CHUK: variants seen among roughly 807,000 people sequenced by gnomAD.
The protein encoded by CHUK is component of inhibitor of nuclear factor kappa B kinase complex, also known as inhibitor of nuclear factor kappa-B kinase subunit alpha.
In CHUK, 35 loss-of-function variants were observed where a neutral mutation model predicts 104.8. The observed-to-expected ratio is 0.33, with a 90% CI of 0.26 to 0.44. The LOEUF is 0.44. Ranked by LOEUF, CHUK falls within the 20% of genes least tolerant of loss-of-function variation. The pLI, the probability that CHUK is intolerant of heterozygous loss-of-function variation, is 1.00. For missense variants in CHUK, 663 were observed against 902.7 expected, an observed-to-expected ratio of 0.73 and a Z score of 3.40; for synonymous variants, 276 against 291.9, an observed-to-expected ratio of 0.95 and a Z score of 0.56.
intron 17 of CHUK, 139 bp downstream of exon 17, chr10:100,194,286 A>G (rs982422992): frequency 3.8e-6 from 4 of 1,048,028 alleles, no homozygotes; most frequent in Non-Finnish European, 5.8e-6. Flanking sequence ...AAATGCAGAT[A>G]GCTATGGCCA....
chr10:100,220,497 G>T lies in CHUK; in HGVS notation c.474+91C>A. 3.4e-6 allele frequency: 3 copies of T among 874,444 alleles called. No individual in the cohort carries two copies. The South Asian group carries it at 4.0e-5, about 12-fold the overall frequency. 54.2% of individuals were successfully genotyped at this position (874,444 alleles called of 1,614,324 possible). A position where few individuals can be genotyped will look rare whatever the true frequency, so the allele number is the denominator to read the frequency against. ...AATGGAAAAAGTAAGACTGTTATGG[G>T]CATACAGCAAAGACACCAAAGCTCA... is the stretch of plus-strand genomic sequence containing the variant. On this transcript the variant is annotated intron_variant, in intron 5 of 20. Coordinates refer to ENST00000370397, the MANE Select transcript of CHUK (RefSeq NM_001278.5).
intron 4 of CHUK, among the ~76,000 whole-genome samples, chr10:100,221,174 C>T (rs1845978226): frequency 6.6e-6 from 1 of 152,084 alleles, no homozygotes; most frequent in Non-Finnish European, 1.5e-5. Context: ...CGGTGGCTCA[C>T]GCTTGTAATC....
At chr10:100,228,401 C>T (rs1436091994) in intron 1 of CHUK, among the ~76,000 whole-genome samples, 1 of 152,222 alleles carries the variant, frequency 6.6e-6, no homozygotes, top group Non-Finnish European at 1.5e-5. Flanking sequence ...CGCCTATAAT[C>T]TCTGCACTTT....
In CHUK at chr10:100,218,994, C is replaced by T. The variant is rs1845925048; in HGVS notation, c.689+14G>A. ...TTCCCATTAAGCATGCCCAAGTTCTCATCCATTTCTTACCAGGTAAATGGC... is the reference window on the plus strand; with the variant it reads ...TTCCCATTAAGCATGCCCAAGTTCTTATCCATTTCTTACCAGGTAAATGGC... On this transcript the variant is annotated intron_variant, in intron 7 of 20. Transcript: ENST00000370397. 2 of 1,613,968 alleles carry T rather than the reference C, an allele frequency of 1.2e-6. No homozygotes were observed. The highest frequency in any genetic ancestry group is 2.2e-5 in the East Asian group (1 of 44,872).
intron 4 of CHUK, among the ~76,000 whole-genome samples, 183 bp downstream of exon 4, chr10:100,221,929 C>T (rs370967241): frequency 1.3e-5 from 2 of 152,276 alleles, no homozygotes. Context: ...AGCCACCGCA[C>T]CTAGCCAAAA....
intron 15 of CHUK, 29 bp downstream of exon 15, chr10:100,200,642 C>G (rs1052146623): frequency 8.7e-6 from 9 of 1,031,160 alleles, no homozygotes; most frequent in Admixed American, 6.8e-5. Flanking sequence ...TTACAGATGT[C>G]AAGACCAACA....
intron 19 of CHUK, among the ~76,000 whole-genome samples, chr10:100,191,238 A>C (rs1471696973): frequency 6.6e-6 from 1 of 152,204 alleles, no homozygotes; most frequent in Non-Finnish European, 1.5e-5. Flanking sequence ...TGTAAGATGC[A>C]CTTATGTACA....
intron 19 of CHUK, among the ~76,000 whole-genome samples, chr10:100,192,089 G>T (rs1283128822): frequency 6.6e-6 from 1 of 152,226 alleles, no homozygotes; most frequent in Non-Finnish European, 1.5e-5. Context: ...CTGCACTCCA[G>T]CCTGGGCGAC....
chr10:100,200,165 T>C (rs1420523652), intron 15 of CHUK, 145 bp from the exon 16 acceptor site: 1 of 752,288 alleles, frequency 1.3e-6, no homozygotes, highest in Non-Finnish European at 2.4e-6. Flanking sequence ...GAGCATTGTA[T>C]TGAGTAATAA....
In CHUK at chr10:100,207,255, ACTT is replaced by A; in HGVS notation, c.1203_1205del (p.Arg401del). The A allele has an allele frequency of 3.2e-6, 5 of 1,549,082 alleles. No individual in the cohort carries two copies. Among genetic ancestry groups the A allele is most frequent in the Admixed American group, 1.7e-5 (1 of 59,954 alleles). On this transcript the variant is annotated inframe_deletion, in exon 11 of 21. Coordinates refer to ENST00000370397, the MANE Select transcript of CHUK (RefSeq NM_001278.5). ...CAATATAATTTACACAATCAGATAA[ACTT>A]CTGGAAGCAAATGGCCCTTCATATA...
rs1845119535 is a variant in CHUK, at chr10:100,188,351, A to G, written c.*1247T>C. 1 of 152,634 alleles carries G rather than the reference A, an allele frequency of 6.6e-6. No homozygotes were observed. Among genetic ancestry groups the G allele is most frequent in the African/African-American group, 2.4e-5 (1 of 41,438 alleles). 9.5% of individuals were successfully genotyped at this position (152,634 alleles called of 1,614,324 possible). ...TATTATAATCTGATTTTTATAATGAATAGAGATCAAGAAAGTAATTTAAAA... is the reference window on the plus strand; with the variant it reads ...TATTATAATCTGATTTTTATAATGAGTAGAGATCAAGAAAGTAATTTAAAA... On this transcript the variant is annotated 3_prime_UTR_variant, in exon 21 of 21. Transcript: ENST00000370397.
intron 13 of CHUK, 42 bp from the exon 14 acceptor site, chr10:100,202,191 A>G: frequency 3.0e-6 from 4 of 1,325,968 alleles, no homozygotes; most frequent in Non-Finnish European, 4.4e-6. Context: ...AAATAGCCAT[A>G]TCTTTAATTA....
rs12244615 is a variant in CHUK, at chr10:100,218,614, G to A, written c.797+104C>T. On this transcript the variant is annotated intron_variant, in intron 8 of 20. Transcript: ENST00000370397. ...TATAGAAGGTTTCTACATCATCACA[G>A]AAAGTTCTACTGGATAATGCAACTT... 11,237 of 793,586 alleles carry A rather than the reference G, an allele frequency of 0.014. 858 individuals carry two copies. The African/African-American group carries it at 0.17, about 12-fold the overall frequency. The allele number at this position is 793,586 out of a possible 1,614,324, so 49.2% of individuals were successfully genotyped here.
At chr10:100,210,166 C>A (rs1845696824) in intron 9 of CHUK, among the ~76,000 whole-genome samples, 1 of 148,414 alleles carries the variant, frequency 6.7e-6, no homozygotes, top group Non-Finnish European at 1.5e-5. Context: ...CGGCTCACTG[C>A]AAGCTCCGCC....
intron 9 of CHUK, among the ~76,000 whole-genome samples, chr10:100,212,218 C>T (rs1845745727): frequency 6.6e-6 from 1 of 152,132 alleles, no homozygotes; most frequent in East Asian, 1.9e-4. Flanking sequence ...AACCTTTGTA[C>T]TGTTTCCCAC....
intron 10 of CHUK, 73 bp downstream of exon 10, chr10:100,209,522 G>A (rs1272908558): frequency 1.1e-6 from 1 of 889,184 alleles, no homozygotes; most frequent in Non-Finnish European, 1.9e-6. Context: ...TTCCAAGTAT[G>A]CATAAAAATT....
chr10:100,211,835 T>C (rs1332245425), intron 9 of CHUK, among the ~76,000 whole-genome samples: 3 of 152,194 alleles, frequency 2.0e-5, no homozygotes, highest in Non-Finnish European at 2.9e-5. Context: ...TTAAAATCCT[T>C]TGGATATATA....
chr10:100,191,156 G>A (rs1356846792), intron 19 of CHUK, among the ~76,000 whole-genome samples, 188 bp from the exon 20 acceptor site: 1 of 152,154 alleles, frequency 6.6e-6, no homozygotes, highest in Non-Finnish European at 1.5e-5. Flanking sequence ...TTAAGACCAG[G>A]CTGCTGCCTC....
In CHUK at chr10:100,225,971, C is replaced by T. The variant is rs1564842539; in HGVS notation, c.152G>A (p.Ser51Asn). Residue 51 changes from serine to asparagine, a missense_variant, in exon 2 of 21, where the codon AGT (serine) becomes AAT (asparagine). Ser to Asn is a conservative substitution (Grantham distance 46, BLOSUM62 1). This residue lies in a region of CHUK where 200 missense variants were observed against 333.0 expected (regional missense o/e 0.60). Transcript: ENST00000370397. Reference sequence around the variant, plus strand: ...GCACCATCGTTCTCTGTTTTTGGTACTTAGCTCTAGGCGACAAGACTTAAT... The same window carrying T: ...GCACCATCGTTCTCTGTTTTTGGTATTTAGCTCTAGGCGACAAGACTTAAT... ...IAIKSCRLELSTKNRERWCHE... is the reference protein window; with the variant it reads ...IAIKSCRLELNTKNRERWCHE... The T allele has an allele frequency of 6.2e-7, 1 of 1,610,738 alleles. No individual in the cohort carries two copies. Among genetic ancestry groups the T allele is most frequent in the Non-Finnish European group, 8.5e-7 (1 of 1,177,258 alleles).
Sources: gnomAD v4.1 joint callset for allele counts (sites outside exome capture counted in the v4.1 genomes callset) on GRCh38, gnomAD v4.1.1 for gene constraint, gnomAD v4.1.1 regional missense constraint, MANE v1.5 for transcripts, NCBI Gene and HGNC (gene_info 2026-07-23, HGNC 2026-07-21) for gene names.